PRLR: variants seen among roughly 807,000 people sequenced by gnomAD.
PRLR encodes prolactin receptor.
A neutral mutation model predicts 40.2 loss-of-function variants in PRLR; 13 were observed. The ratio of observed to expected loss-of-function variants is 0.32; its 90% CI spans 0.21 to 0.51. The LOEUF is 0.51. PRLR is among the 20% of genes least tolerant of loss of function. The pLI is 0.97. For synonymous variants in PRLR, 269 were observed against 278.7 expected (o/e 0.97, Z 0.35); for missense variants, 656 against 747.3 (o/e 0.88, Z 1.42).
chr5:35,162,327 A>G (rs1774697417), intron 1 of PRLR, among the ~76,000 whole-genome samples: 1 of 152,224 alleles, frequency 6.6e-6, no homozygotes, highest in African/African-American at 2.4e-5. Flanking sequence ...TGGCTCCCAA[A>G]ACAAACCACA....
chr5:35,198,275 C>T (rs546359231), intron 1 of PRLR, among the ~76,000 whole-genome samples: 2 of 152,332 alleles, frequency 1.3e-5, no homozygotes, highest in South Asian at 4.1e-4. Flanking sequence ...GCCCTGAGCC[C>T]CAGCAGAGTA....
intron 1 of PRLR, among the ~76,000 whole-genome samples, chr5:35,164,323 G>C (rs1774760024): frequency 6.6e-6 from 1 of 152,104 alleles, no homozygotes; most frequent in South Asian, 2.1e-4. Flanking sequence ...ATAGGCAGTG[G>C]TAAGTTCCAA....
intron 1 of PRLR, among the ~76,000 whole-genome samples, chr5:35,131,570 C>G (rs1773678984): frequency 6.6e-6 from 1 of 152,184 alleles, no homozygotes. Context: ...CATTTAACCC[C>G]AAACAAAGGA....
intron 1 of PRLR, among the ~76,000 whole-genome samples, chr5:35,173,838 CT>C (rs376438084): frequency 7.2e-5 from 11 of 152,026 alleles, no homozygotes; most frequent in Admixed American, 3.9e-4. Context: ...TTTCTTTTTA[CT>C]TTTTTTATTA....
At chr5:35,097,907 G>A (rs998726682) in intron 2 of PRLR, among the ~76,000 whole-genome samples, 1 of 152,174 alleles carries the variant, frequency 6.6e-6, no homozygotes, top group Admixed American at 6.6e-5. Context: ...CTGAGCTCAA[G>A]CTGAGAGGGG....
At chr5:35,133,703 T>C (rs568902969) in intron 1 of PRLR, among the ~76,000 whole-genome samples, 56 of 152,342 alleles carry the variant, frequency 3.7e-4, no homozygotes, top group African/African-American at 1.3e-3. Context: ...GTTTTCAATC[T>C]GATCCCTTCC....
At chr5:35,131,557 C>G (rs1464268798) in intron 1 of PRLR, among the ~76,000 whole-genome samples, 2 of 152,182 alleles carry the variant, frequency 1.3e-5, no homozygotes, top group Non-Finnish European at 2.9e-5. Flanking sequence ...GCCTGGCAAC[C>G]TTCATTTAAC....
At chr5:35,114,255 C>T (rs1772875295) in intron 2 of PRLR, among the ~76,000 whole-genome samples, 1 of 152,208 alleles carries the variant, frequency 6.6e-6, no homozygotes, top group Admixed American at 6.5e-5. Context: ...TGTCATTCAT[C>T]AGCCACATTG....
intron 1 of PRLR, chr5:35,152,902 T>A (rs1315140731): frequency 6.6e-6 from 1 of 152,210 alleles, no homozygotes; most frequent in African/African-American, 2.4e-5. Context: ...TGGGGTGATG[T>A]GTACATTTCC....
chr5:35,126,762 A>G (rs376472749), intron 1 of PRLR, among the ~76,000 whole-genome samples: 15 of 152,368 alleles, frequency 9.8e-5, no homozygotes, highest in African/African-American at 3.6e-4. Context: ...TCTAGGAAAT[A>G]GCAAGTAATT....
At chr5:35,138,984 CA>C (rs1436415262) in intron 1 of PRLR, among the ~76,000 whole-genome samples, 4 of 151,748 alleles carry the variant, frequency 2.6e-5, no homozygotes, top group African/African-American at 4.8e-5. Context: ...AGATATTGGT[CA>C]AAAGGTACAA....
intron 1 of PRLR, among the ~76,000 whole-genome samples, chr5:35,121,727 T>C (rs974382342): frequency 6.6e-6 from 1 of 152,212 alleles, no homozygotes; most frequent in Non-Finnish European, 1.5e-5. Flanking sequence ...CCCTACTTTA[T>C]TGATGAAGAA....
At chr5:35,156,204 A>G (rs1418917500) in intron 1 of PRLR, among the ~76,000 whole-genome samples, 11 of 151,600 alleles carry the variant, frequency 7.3e-5, no homozygotes, top group African/African-American at 2.4e-4. Context: ...ATTTACTCCA[A>G]TCCAATCCAA....
chr5:35,083,068 T>TACAC (rs3836809), intron 5 of PRLR, among the ~76,000 whole-genome samples: 13,922 of 144,710 alleles, frequency 0.096, 749 homozygotes, highest in Non-Finnish European at 0.14. Context: ...GGTAAGGCAA[T>TACAC]ACACACACAC....
intron 2 of PRLR, among the ~76,000 whole-genome samples, chr5:35,101,946 A>G (rs1342604204): frequency 2.0e-5 from 3 of 151,584 alleles, no homozygotes; most frequent in East Asian, 3.9e-4. Context: ...TCCTGCCTCA[A>G]TCTCTGGAGT....
intron 5 of PRLR, among the ~76,000 whole-genome samples, chr5:35,078,200 A>G (rs926103283): frequency 4.6e-5 from 7 of 152,216 alleles, no homozygotes; most frequent in Non-Finnish European, 1.0e-4. Context: ...GAAATAACTA[A>G]GATCAGAGAA....
At chr5:35,137,404 A>G (rs1196100537) in intron 1 of PRLR, among the ~76,000 whole-genome samples, 1 of 152,198 alleles carries the variant, frequency 6.6e-6, no homozygotes, top group Admixed American at 6.5e-5. Flanking sequence ...GAGGAGCTGA[A>G]AGGGTACCAG....
At chr5:35,163,628 G>A (rs539753753) in intron 1 of PRLR, among the ~76,000 whole-genome samples, 6 of 152,332 alleles carry the variant, frequency 3.9e-5, no homozygotes, top group Admixed American at 6.5e-5. Flanking sequence ...CATGGTAAGT[G>A]CTACAGGGAG....
intron 2 of PRLR, among the ~76,000 whole-genome samples, chr5:35,113,552 T>C (rs990676000): frequency 7.9e-5 from 12 of 151,330 alleles, no homozygotes; most frequent in Admixed American, 5.9e-4. Context: ...CATCCATCCA[T>C]TCATCAATCT....
Sources: gnomAD v4.1 joint callset for allele counts (sites outside exome capture counted in the v4.1 genomes callset) on GRCh38, gnomAD v4.1.1 for gene constraint, MANE v1.5 for transcripts, NCBI Gene and HGNC (gene_info 2026-07-23, HGNC 2026-07-21) for gene names.